The following CFAP221 variants were observed in gnomAD, a reference collection of about 807,000 sequenced individuals.
CFAP221 encodes cilia and flagella associated protein 221, also known as cilia- and flagella-associated protein 221.
CFAP221 carries 97 observed loss-of-function variants against 113.1 expected under a neutral mutation model. That is an observed-to-expected ratio of 0.86 (90% CI 0.73 to 1.02). CFAP221 has a LOEUF of 1.02. Among genes scored for constraint, CFAP221 ranks in the 50% least tolerant of loss-of-function variants. The pLI is 0.00. For synonymous variants in CFAP221, 331 were observed against 354.4 expected (o/e 0.93, Z 0.74); for missense variants, 1,025 against 1,013.4 (o/e 1.01, Z -0.16).
In CFAP221 at chr2:119,577,283, T is replaced by A. The variant is rs112817670; in HGVS notation, c.528-9836T>A. 2.5e-3 allele frequency among the ~76,000 whole-genome samples: 377 copies of A among 152,342 alleles called. 2 individuals are homozygous for A. Among genetic ancestry groups the A allele is most frequent in the African/African-American group, 8.5e-3 (355 of 41,580 alleles). ...CCTCATCTAAACCAAATCACCTTCCTAAGTCCCCACCTCCATCATGGGAAT... is the reference window on the plus strand; with the variant it reads ...CCTCATCTAAACCAAATCACCTTCCAAAGTCCCCACCTCCATCATGGGAAT... On this transcript the variant is annotated intron_variant, in intron 6 of 23. Transcript: ENST00000413369.
In CFAP221 at chr2:119,549,073, T is replaced by C; in HGVS notation, c.140-12T>C. On this transcript the variant is annotated splice_polypyrimidine_tract_variant and intron_variant, in intron 2 of 23. Coordinates refer to ENST00000413369, the MANE Select transcript of CFAP221 (RefSeq NM_001271049.2). ...ATGTCTCATGATGTGCTTATCTACATTGTTTTTATAGAGGTTTATGCAAAA... is the reference window on the plus strand; with the variant it reads ...ATGTCTCATGATGTGCTTATCTACACTGTTTTTATAGAGGTTTATGCAAAA... 6.7e-7 allele frequency: 1 copy of C among 1,488,194 alleles called. No individual in the cohort carries two copies. The highest frequency in any genetic ancestry group is 9.0e-7 in the Non-Finnish European group (1 of 1,116,784). The allele number at this position is 1,488,194 out of a possible 1,614,324, so 92.2% of individuals were successfully genotyped here.
At chr2:119,643,153 A>G in intron 21 of CFAP221, among the ~76,000 whole-genome samples, 1 of 152,220 alleles carries the variant, frequency 6.6e-6, no homozygotes, top group Non-Finnish European at 1.5e-5. Flanking sequence ...GCAACTTCCT[A>G]TAAATCCATT....
intron 19 of CFAP221, among the ~76,000 whole-genome samples, chr2:119,633,733 C>A (rs1409796475): frequency 1.9e-4 from 29 of 151,106 alleles, no homozygotes; most frequent in Non-Finnish European, 3.4e-4. Flanking sequence ...GAAAAAAATA[C>A]CACCAATCCT....
At chr2:119,649,089 C>T (rs920815168) in intron 22 of CFAP221, among the ~76,000 whole-genome samples, 26 of 152,134 alleles carry the variant, frequency 1.7e-4, no homozygotes, top group African/African-American at 4.8e-4. Flanking sequence ...ATTTGAGATG[C>T]AGCTCATGAA....
Position 119,608,550 on chromosome 2 carries a change from G to C in CFAP221, c.1182G>C (p.Glu394Asp). ...CTATGTCTTTTAAACTTAAAAAAGA[G>C]CTTACTGAAGAGTGGCAAAAAGCAT... ...KDPMSFKLKK[E>D]LTEEWQKACA... Residue 394 changes from glutamate (E) to aspartate (D), a missense_variant, in exon 12 of 24, where the codon GAG becomes GAC. Physicochemically the swap from Glu to Asp is conservative, Grantham distance 45. Coordinates refer to ENST00000413369, the MANE Select transcript of CFAP221 (RefSeq NM_001271049.2). 1 of 1,613,222 alleles carries C rather than the reference G, an allele frequency of 6.2e-7. No homozygotes were observed. The highest frequency in any genetic ancestry group is 1.1e-5 in the South Asian group (1 of 91,004).
chr2:119,628,935 A>G (rs1686565450), intron 16 of CFAP221, among the ~76,000 whole-genome samples: 1 of 152,318 alleles, frequency 6.6e-6, no homozygotes, highest in South Asian at 2.1e-4. Context: ...TTTTTGAATA[A>G]TTTGAAGCTG....
chr2:119,559,383 T>A (rs548168691), intron 3 of CFAP221, among the ~76,000 whole-genome samples: 4 of 149,890 alleles, frequency 2.7e-5, no homozygotes, highest in Non-Finnish European at 5.9e-5. Flanking sequence ...GCACTTGCAG[T>A]AACATTCAGG....
At chr2:119,602,197 G>T (rs6542536) in intron 8 of CFAP221, among the ~76,000 whole-genome samples, 142,023 of 152,148 alleles carry the variant, frequency 0.93, 66,838 homozygotes, top group South Asian at 0.99. Context: ...CTGGCCAACA[G>T]GGTGAAACCC....
chr2:119,657,253 G>A (rs992307714), downstream of CFAP221, among the ~76,000 whole-genome samples: 7 of 152,130 alleles, frequency 4.6e-5, no homozygotes, highest in African/African-American at 1.7e-4. Context: ...GCTGGTATCA[G>A]ACTGTATGTT....
chr2:119,592,473 C>T (rs187356682), intron 7 of CFAP221, among the ~76,000 whole-genome samples: 14 of 152,290 alleles, frequency 9.2e-5, no homozygotes, highest in Admixed American at 4.6e-4. Flanking sequence ...CCGGCTTTGT[C>T]GTACCCTTCT....
At chr2:119,583,395 CTTTTTTTTTT>C (rs375405686) in intron 6 of CFAP221, among the ~76,000 whole-genome samples, 4 of 123,320 alleles carry the variant, frequency 3.2e-5, no homozygotes, top group African/African-American at 1.2e-4. Context: ...GAAATAGTCT[CTTTTTTTTTT>C]TTTTTTTTTT....
At chr2:119,660,228 C>T (rs1329318643), downstream of CFAP221, 1 of 152,192 alleles carries the variant, frequency 6.6e-6, no homozygotes, top group East Asian at 1.9e-4. Context: ...GATCTGGTGC[C>T]ACCTGGTGGT....
chr2:119,644,666 C>T (rs1687688890), intron 21 of CFAP221, among the ~76,000 whole-genome samples: 1 of 152,072 alleles, frequency 6.6e-6, no homozygotes, highest in Admixed American at 6.6e-5. Flanking sequence ...CAGGGATACA[C>T]ACAAACACAC....
chr2:119,567,537 C>T (rs1681738284), intron 6 of CFAP221, among the ~76,000 whole-genome samples: 1 of 152,146 alleles, frequency 6.6e-6, no homozygotes. Context: ...GGCATCTTGG[C>T]AGCTTCTAAG....
Position 119,627,689 on chromosome 2 carries a change from G to T in CFAP221, c.1553G>T (p.Ser518Ile). The T allele has an allele frequency of 6.2e-7, 1 of 1,613,744 alleles. No individual in the cohort carries two copies. The highest frequency in any genetic ancestry group is 8.5e-7 in the Non-Finnish European group (1 of 1,179,930). Residue 518 changes from serine to isoleucine, a missense_variant, in exon 16 of 24, where the codon AGT (serine) becomes ATT (isoleucine). Coordinates refer to ENST00000413369, the MANE Select transcript of CFAP221 (RefSeq NM_001271049.2). Reference protein sequence around the residue: ...NFFKFFLRRISQDDYTSRFSV... With the variant: ...NFFKFFLRRIIQDDYTSRFSV... ...TTCAAATTCTTCCTGAGGCGGATCA[G>T]TCAGGATGATTATACCAGCCGGTTC...
At chr2:119,615,775 G>C (rs935457056) in intron 14 of CFAP221, 66 bp downstream of exon 14, 3 of 1,273,668 alleles carry the variant, frequency 2.4e-6, no homozygotes, top group Non-Finnish European at 3.3e-6. Flanking sequence ...ATCAAGCAAT[G>C]GTGGTTTGAT....
intron 1 of CFAP221, chr2:119,545,262 A>G (rs1573960571): frequency 6.6e-6 from 1 of 152,024 alleles, no homozygotes; most frequent in Admixed American, 6.5e-5. Context: ...TGGCCTGCGC[A>G]AGGGCCCCAA....
chr2:119,577,514 T>C (rs545985790), intron 6 of CFAP221, among the ~76,000 whole-genome samples: 1 of 152,144 alleles, frequency 6.6e-6, no homozygotes, highest in Admixed American at 6.5e-5. Flanking sequence ...TCTGTAATAT[T>C]AGAGACCTAC....
At chr2:119,549,748 G>A (rs1680293457) in intron 3 of CFAP221, among the ~76,000 whole-genome samples, 1 of 152,174 alleles carries the variant, frequency 6.6e-6, no homozygotes, top group Non-Finnish European at 1.5e-5. Flanking sequence ...AGTCACTCTG[G>A]CCAGAGAGAA....
Sources: allele counts gnomAD v4.1 joint callset (sites outside exome capture counted in the v4.1 genomes callset), GRCh38; gene constraint gnomAD v4.1.1; transcripts MANE v1.5; gene names NCBI Gene and HGNC (gene_info 2026-07-23, HGNC 2026-07-21).